Variants in OTOGL observed in about 807,000 individuals in gnomAD.
The protein encoded by OTOGL is otogelin-like protein.
OTOGL carries 285 observed loss-of-function variants against 318.5 expected under a neutral mutation model. The observed-to-expected ratio is 0.89, with a 90% CI of 0.81 to 0.99. The LOEUF is 0.99. Among genes scored for constraint, OTOGL ranks in the 50% least tolerant of loss-of-function variants. The pLI is 0.00. For synonymous variants in OTOGL, 987 were observed against 936.5 expected (o/e 1.05, Z -0.99); for missense variants, 2,899 against 2,845.6 (o/e 1.02, Z -0.43).
At chr12:80,342,291 T>C (rs1219912607) in intron 44 of OTOGL, 129 bp downstream of exon 44, 8 of 671,272 alleles carry the variant, frequency 1.2e-5, no homozygotes, top group Non-Finnish European at 2.0e-5. Flanking sequence ...GTCAGTATGC[T>C]TTGGAATTCA....
chr12:80,344,217 T>C (rs1889019095), intron 44 of OTOGL, among the ~76,000 whole-genome samples: 3 of 152,240 alleles, frequency 2.0e-5, no homozygotes, highest in African/African-American at 4.8e-5. Context: ...CACTTTAGTC[T>C]GTCTTTTTAA....
chr12:80,317,780 T>A (rs1263246015), intron 32 of OTOGL, among the ~76,000 whole-genome samples: 3 of 152,132 alleles, frequency 2.0e-5, no homozygotes, highest in Non-Finnish European at 2.9e-5. Context: ...GGAGAAACAC[T>A]GCATTTGTAA....
chr12:80,154,396 C>A (rs561587933), intron 1 of OTOGL, among the ~76,000 whole-genome samples: 83 of 152,216 alleles, frequency 5.5e-4, no homozygotes, highest in Non-Finnish European at 8.7e-4. Context: ...AATCAGAAAC[C>A]ACCAACTGTT....
At chr12:80,149,926 C>T (rs1002547146) in intron 1 of OTOGL, among the ~76,000 whole-genome samples, 6 of 152,026 alleles carry the variant, frequency 3.9e-5, no homozygotes, top group African/African-American at 9.7e-5. Context: ...GCACGGTGCG[C>T]GCACCCACTG....
chr12:80,117,936 A>G (rs917484131), intron 1 of OTOGL, among the ~76,000 whole-genome samples: 2 of 152,168 alleles, frequency 1.3e-5, no homozygotes, highest in Non-Finnish European at 2.9e-5. Context: ...TATCAAAAAC[A>G]CATATTCTCC....
chr12:80,231,897 A>C (rs973819493), intron 8 of OTOGL, among the ~76,000 whole-genome samples: 1 of 151,544 alleles, frequency 6.6e-6, no homozygotes, highest in African/African-American at 2.4e-5. Context: ...TTGGCCTCCC[A>C]AAGCACTGGA....
Position 80,115,568 on chromosome 12 carries a change from A to T in OTOGL, c.-20+15963A>T, listed in dbSNP as rs1027744979. 1.8e-4 allele frequency among the ~76,000 whole-genome samples: 27 copies of T among 152,294 alleles called. No homozygotes were observed. The Middle Eastern group carries it at 0.01, about 58-fold the overall frequency. ...GGCAGTCTGTCCCTTAGCAGAGCTC[A>T]AGCACTGTGCTGGGAAATCCATTGC... On this transcript the variant is annotated intron_variant, in intron 1 of 58. Coordinates refer to ENST00000547103, the MANE Select transcript of OTOGL (RefSeq NM_001378609.3).
intron 22 of OTOGL, 75 bp downstream of exon 22, chr12:80,267,402 TA>T: frequency 1.4e-6 from 1 of 693,234 alleles, no homozygotes; most frequent in Non-Finnish European, 2.0e-6. Flanking sequence ...TATATATATA[TA>T]TATATTTTTT....
chr12:80,302,605 CTTTG>C lies in OTOGL; in HGVS notation c.3064-25_3064-22del, dbSNP rs975631667. ...TTTTGGTTAGAGAACTTACTACTCA[CTTTG>C]TTTATTTTCTTTTTTGTTTTTAAGA... On this transcript the variant is annotated intron_variant, in intron 27 of 58. Coordinates refer to ENST00000547103, the MANE Select transcript of OTOGL (RefSeq NM_001378609.3). 4 of 1,270,450 alleles carry C rather than the reference CTTTG, an allele frequency of 3.1e-6. No homozygotes were observed. In the African/African-American group the frequency reaches 4.6e-5, roughly 15 times the overall value. 78.7% of individuals were successfully genotyped at this position (1,270,450 alleles called of 1,614,324 possible).
At chr12:80,165,282 C>T (rs146406248) in intron 1 of OTOGL, among the ~76,000 whole-genome samples, 13 of 152,226 alleles carry the variant, frequency 8.5e-5, no homozygotes, top group Non-Finnish European at 1.9e-4. Flanking sequence ...ATTTTCTGAT[C>T]TTTTCCATTT....
At chr12:80,260,319 A>G (rs1276471513) in intron 18 of OTOGL, among the ~76,000 whole-genome samples, 2 of 152,128 alleles carry the variant, frequency 1.3e-5, no homozygotes, top group African/African-American at 2.4e-5. Flanking sequence ...CACACTTGAG[A>G]AGCAGAAATT....
In OTOGL at chr12:80,194,564, A is replaced by G. The variant is rs185489231; in HGVS notation, c.-19-14849A>G. On this transcript the variant is annotated intron_variant, in intron 1 of 58. Transcript: ENST00000547103. The stretch of plus-strand genomic sequence containing the variant: ...AGAATATTATGCTCTAATTCTTTTG[A>G]GTCATGACAAATTTTCAATTATAGA... Among the ~76,000 whole-genome samples the G allele has an allele frequency of 2.0e-5, 3 of 152,340 alleles. No homozygotes were observed. In the East Asian group the frequency reaches 5.8e-4, roughly 29 times the overall value.
At chr12:80,312,409 G>A (rs1886694867) in intron 30 of OTOGL, among the ~76,000 whole-genome samples, 1 of 152,102 alleles carries the variant, frequency 6.6e-6, no homozygotes, top group South Asian at 2.1e-4. Flanking sequence ...ATAAAATCAT[G>A]TTATTCATGT....
intron 34 of OTOGL, among the ~76,000 whole-genome samples, chr12:80,323,097 TACACACACACACACAC>T (rs200949284): frequency 0.18 from 22,465 of 126,968 alleles, 1,931 homozygotes; most frequent in South Asian, 0.26. Flanking sequence ...GAAAACCCAC[TACACACACACACACAC>T]ACACACACAC....
chr12:80,343,486 C>CTTGGTTTTTTTTTTTTTTTTTTTTTTTT (rs1565999648), intron 44 of OTOGL: 1 of 71,354 alleles, frequency 1.4e-5, no homozygotes, highest in East Asian at 5.5e-4. Flanking sequence ...TTATTTTTTA[C>CTTGGTTTTTTTTTTTTTTTTTTTTTTTT]ATTTTTATTA....
intron 1 of OTOGL, among the ~76,000 whole-genome samples, chr12:80,144,163 G>A (rs536871425): frequency 2.6e-5 from 4 of 151,472 alleles, no homozygotes; most frequent in Admixed American, 2.0e-4. Context: ...CCACTAACTC[G>A]TCATCTAGCA....
At chr12:80,281,705 T>C (rs1884248503) in intron 26 of OTOGL, among the ~76,000 whole-genome samples, 1 of 151,662 alleles carries the variant, frequency 6.6e-6, no homozygotes, top group African/African-American at 2.4e-5. Context: ...TAATTCATTC[T>C]TAACTTTTAT....
chr12:80,264,088 C>G (rs985215401), intron 19 of OTOGL, among the ~76,000 whole-genome samples: 2 of 152,012 alleles, frequency 1.3e-5, no homozygotes, highest in African/African-American at 4.8e-5. Context: ...AGTGAAAAAA[C>G]TGATCTCCAA....
Position 80,257,941 on chromosome 12 carries a change from T to G in OTOGL, c.1828T>G (p.Trp610Gly), listed in dbSNP as rs767747383. ...AATTTATATTCAGCTTACTAGCGCA[T>G]GGAAAAGAAGAACATTAGGTCTGTG... The part of the protein sequence containing the change: ...ERIYIQLTSA[W>G]KRRTLGLCGT... Residue 610 changes from tryptophan (W) to glycine (G), a missense_variant, in exon 18 of 59, where the codon TGG becomes GGG. Trp to Gly is a radical substitution (Grantham distance 184, BLOSUM62 -2). Around this residue, in one of 3 missense-constraint regions of OTOGL, gnomAD observed 2,607 missense variants for 2,524.9 expected, o/e 1.03. Coordinates refer to ENST00000547103, the MANE Select transcript of OTOGL (RefSeq NM_001378609.3). The G allele has an allele frequency of 1.3e-6, 2 of 1,598,122 alleles. No individual in the cohort carries two copies. Among genetic ancestry groups the G allele is most frequent in the Admixed American group, 3.3e-5 (2 of 59,706 alleles).
Sources: allele counts gnomAD v4.1 joint callset (sites outside exome capture counted in the v4.1 genomes callset), GRCh38; gene constraint gnomAD v4.1.1; regional missense constraint gnomAD v4.1.1; transcripts MANE v1.5; gene names NCBI Gene and HGNC (gene_info 2026-07-23, HGNC 2026-07-21).